The following KMT2A variants were observed in gnomAD, a reference collection of about 807,000 sequenced individuals.
KMT2A encodes lysine methyltransferase 2A.
Under a neutral mutation model 345.3 loss-of-function variants are expected in KMT2A, and 16 were observed. That is an observed-to-expected ratio of 0.05 (90% CI 0.03 to 0.07). The LOEUF (loss-of-function observed/expected upper bound fraction) is 0.07. KMT2A is among the 10% of genes least tolerant of loss of function. The probability of loss-of-function intolerance (pLI) is 1.00; values close to 1 mark genes in which losing one functional copy is unlikely to be tolerated. For synonymous variants in KMT2A, 1,599 were observed against 1,778.6 expected, an observed-to-expected ratio of 0.90 and a Z score of 2.54; for missense variants, 3,272 against 4,841.6, an observed-to-expected ratio of 0.68 and a Z score of 9.62.
chr11:118,463,854 A>G (rs1210642728), intron 1 of KMT2A, among the ~76,000 whole-genome samples: 1 of 152,248 alleles, frequency 6.6e-6, no homozygotes, highest in Non-Finnish European at 1.5e-5. Context: ...TTGTCATAAC[A>G]TATCTGAACA....
chr11:118,485,461 T>G (rs1950211548), intron 10 of KMT2A, among the ~76,000 whole-genome samples: 2 of 152,144 alleles, frequency 1.3e-5, no homozygotes, highest in African/African-American at 2.4e-5. Context: ...GGAGGGTGTC[T>G]GTTTTTTAGC....
In KMT2A at chr11:118,504,879, A is replaced by G. The variant is rs191446381; in HGVS notation, c.8987A>G (p.His2996Arg). 6.2e-6 allele frequency: 10 copies of G among 1,614,172 alleles called. No individual in the cohort carries two copies. The highest frequency in any genetic ancestry group is 8.5e-6 in the Non-Finnish European group (10 of 1,180,028). ...CCTGAAGGCCACATGACTCCTGATC[A>G]TTTTATCCAAGGACACATGGATGCA... ...PTPEGHMTPD[H>R]FIQGHMDADH... Residue 2996 changes from histidine (H) to arginine (R), a missense_variant, in exon 27 of 36, where the codon CAT becomes CGT. By Grantham distance (29) the His-to-Arg change is conservative. Coordinates refer to ENST00000534358, the MANE Select transcript of KMT2A (RefSeq NM_001197104.2). This position sits in a 1 kb window ranked among gnomAD's most constrained non-coding sequence, Gnocchi z 6.4.
In KMT2A at chr11:118,506,520, C is replaced by T; in HGVS notation, c.10628C>T (p.Thr3543Ile). Reference sequence around the variant, plus strand: ...GGTCCCACTAAACCCAAACCAAAAACCAAACGGTTTCAGCTGCCTCTAGAC... The same window carrying T: ...GGTCCCACTAAACCCAAACCAAAAATCAAACGGTTTCAGCTGCCTCTAGAC... ...VPGPTKPKPK[T>I]KRFQLPLDKG... is the part of the protein sequence containing the mutation. Residue 3543 changes from threonine to isoleucine, a missense_variant, in exon 27 of 36, where the codon ACC becomes ATC. This residue lies in a region of KMT2A where 748 missense variants were observed against 922.2 expected (regional missense o/e 0.81). Coordinates refer to ENST00000534358, the MANE Select transcript of KMT2A (RefSeq NM_001197104.2). 6.2e-7 allele frequency: 1 copy of T among 1,614,204 alleles called. No homozygotes were observed. The highest frequency in any genetic ancestry group is 8.5e-7 in the Non-Finnish European group (1 of 1,180,050).
Position 118,491,417 on chromosome 11 carries a change from T to C in KMT2A, c.4819+99T>C. 1 of 1,173,644 alleles carries C rather than the reference T, an allele frequency of 8.5e-7. No homozygotes were observed. The highest frequency in any genetic ancestry group is 2.2e-4 in the Middle Eastern group (1 of 4,512). 72.7% of individuals were successfully genotyped at this position (1,173,644 alleles called of 1,614,324 possible). A position where few individuals can be genotyped will look rare whatever the true frequency, so the allele number is the denominator to read the frequency against. On this transcript the variant is annotated intron_variant, in intron 14 of 35. Transcript: ENST00000534358. The surrounding 1 kb of genome is among the most constrained non-coding windows in gnomAD (Gnocchi z 4.2). ...CCTAAAATTATGGTTGTGTTGTTAT[T>C]TGAAATCTCTAAATTTATTTTTTAG...
rs1285912724 is a variant in KMT2A, at chr11:118,491,409, G to A, written c.4819+91G>A. 6.4e-6 allele frequency: 8 copies of A among 1,243,466 alleles called. No homozygotes were observed. Among genetic ancestry groups the A allele is most frequent in the South Asian group, 1.5e-5 (1 of 64,678 alleles). The allele number at this position is 1,243,466 out of a possible 1,614,324, so 77.0% of individuals were successfully genotyped here. A position where few individuals can be genotyped will look rare whatever the true frequency, so the allele number is the denominator to read the frequency against. ...ACTTTAAACCTAAAATTATGGTTGTGTTGTTATTTGAAATCTCTAAATTTA... is the reference window on the plus strand; with the variant it reads ...ACTTTAAACCTAAAATTATGGTTGTATTGTTATTTGAAATCTCTAAATTTA... On this transcript the variant is annotated intron_variant, in intron 14 of 35. Transcript: ENST00000534358. The surrounding 1 kb of genome is among the most constrained non-coding windows in gnomAD (Gnocchi z 4.2).
chr11:118,476,152 G>A lies in KMT2A; in HGVS notation c.3157-653G>A, dbSNP rs572442254. Among the ~76,000 whole-genome samples the A allele has an allele frequency of 2.6e-5, 4 of 152,110 alleles. No homozygotes were observed. The highest frequency in any genetic ancestry group is 1.9e-4 in the East Asian group (1 of 5,182). On this transcript the variant is annotated intron_variant, in intron 3 of 35. Transcript: ENST00000534358. The surrounding 1 kb of genome is among the most constrained non-coding windows in gnomAD (Gnocchi z 4.1). ...ACTCCCGACCTCAGGTGATCTACCC[G>A]CCTCGGCCTCCCAAAGTGCTGGGAG... is the stretch of plus-strand genomic sequence containing the variant.
rs371281004 is a variant in KMT2A, at chr11:118,506,128, G to T, written c.10236G>T (p.Leu3412=). ...LPPSSGMFPQ[L]GTSQTPSTAA... ...CAAGTTCAGGAATGTTTCCACAACT[G>T]GGGACATCACAGACCCCCTCTACTG... is the stretch of plus-strand genomic sequence containing the variant. The change falls in exon 27 of 36, where the codon CTG becomes CTT. Residue 3412 remains leucine (L), a synonymous_variant. Coordinates refer to ENST00000534358, the MANE Select transcript of KMT2A (RefSeq NM_001197104.2). 2 of 1,614,136 alleles carry T rather than the reference G, an allele frequency of 1.2e-6. No homozygotes were observed. The highest frequency in any genetic ancestry group is 1.7e-6 in the Non-Finnish European group (2 of 1,180,030).
chr11:118,471,469 ATGT>A lies in KMT2A; in HGVS notation c.503-191_503-189del, dbSNP rs1337206168. 3.3e-5 allele frequency among the ~76,000 whole-genome samples: 5 copies of A among 152,330 alleles called. No homozygotes were observed. The South Asian group carries it at 8.3e-4, about 25-fold the overall frequency. On this transcript the variant is annotated intron_variant, in intron 2 of 35. Transcript: ENST00000534358. Reference sequence around the variant, plus strand: ...GTAATTAAATGTTCTTTCAGGTGGAATGTTATTTGCTGACTTCTTTGAGGCAAA... The same window carrying A: ...GTAATTAAATGTTCTTTCAGGTGGAATATTTGCTGACTTCTTTGAGGCAAA...
chr11:118,487,122 T>C (rs923773051), intron 10 of KMT2A, among the ~76,000 whole-genome samples: 3 of 152,222 alleles, frequency 2.0e-5, no homozygotes, highest in Non-Finnish European at 4.4e-5. Flanking sequence ...TCAGATATCA[T>C]TGAGACTGAG....
intron 31 of KMT2A, among the ~76,000 whole-genome samples, chr11:118,519,077 CAAAAAAAAAAAAAAA>C (rs11443977): frequency 1.5e-5 from 1 of 66,448 alleles, no homozygotes; most frequent in African/African-American, 6.3e-5. Flanking sequence ...GACTCCATCT[CAAAAAAAAAAAAAAA>C]AAAAAAAGAA....
chr11:118,463,345 T>C (rs556867251), intron 1 of KMT2A, among the ~76,000 whole-genome samples: 1 of 152,320 alleles, frequency 6.6e-6, no homozygotes, highest in African/African-American at 2.4e-5. Context: ...GAGCTGTCAA[T>C]CATTGTAGCA....
chr11:118,464,768 G>A lies in KMT2A; in HGVS notation c.433-4007G>A, dbSNP rs543313228. ...ACAATCAAAGTAATGGCTACCAGGAGGTAGAAGTGGTCCAGTCAAAGCAAA... is the reference window on the plus strand; with the variant it reads ...ACAATCAAAGTAATGGCTACCAGGAAGTAGAAGTGGTCCAGTCAAAGCAAA... On this transcript the variant is annotated intron_variant, in intron 1 of 35. Transcript: ENST00000534358. Among the ~76,000 whole-genome samples, 19 of 152,336 alleles carry A rather than the reference G, an allele frequency of 1.2e-4. No homozygotes were observed. In the South Asian group the frequency reaches 3.7e-3, roughly 30 times the overall value.
At chr11:118,492,090 C>G (rs573544692) in intron 15 of KMT2A, among the ~76,000 whole-genome samples, 162 bp downstream of exon 15, 1 of 152,146 alleles carries the variant, frequency 6.6e-6, no homozygotes, top group Non-Finnish European at 1.5e-5. Context: ...CCTTCTTTAG[C>G]GTAAGAAATA....
Position 118,484,393 on chromosome 11 carries a change from G to A in KMT2A, c.4218+79G>A, listed in dbSNP as rs1950194563. On this transcript the variant is annotated intron_variant, in intron 9 of 35. Transcript: ENST00000534358. The surrounding 1 kb of genome is among the most constrained non-coding windows in gnomAD (Gnocchi z 4.1). ...AGAAAATGCTACTACCAAAGGTGTT[G>A]AAAGAGGAAATCAGCACCAACTGGG... The A allele has an allele frequency of 6.8e-7, 1 of 1,478,840 alleles. No homozygotes were observed. The highest frequency in any genetic ancestry group is 9.3e-7 in the Non-Finnish European group (1 of 1,077,644). 91.6% of individuals were successfully genotyped at this position (1,478,840 alleles called of 1,614,324 possible).
intron 25 of KMT2A, 68 bp downstream of exon 25, chr11:118,501,215 T>C: frequency 6.8e-7 from 1 of 1,469,356 alleles, no homozygotes; most frequent in South Asian, 1.2e-5. Flanking sequence ...CGCAGCACTT[T>C]GGGAGGCTGA....
intron 1 of KMT2A, among the ~76,000 whole-genome samples, chr11:118,461,543 C>T (rs916470780): frequency 2.0e-5 from 3 of 152,074 alleles, no homozygotes; most frequent in Admixed American, 1.3e-4. Context: ...TCAGTGTCAG[C>T]AAGGTTTAGG....
At chr11:118,459,349 G>A (rs553335144) in intron 1 of KMT2A, among the ~76,000 whole-genome samples, 7 of 152,284 alleles carry the variant, frequency 4.6e-5, no homozygotes, top group African/African-American at 9.6e-5. Context: ...TTACAGGTGT[G>A]AGCCACCATG....
chr11:118,483,259 A>G (rs1361868377), intron 8 of KMT2A, among the ~76,000 whole-genome samples: 11 of 142,584 alleles, frequency 7.7e-5, no homozygotes, highest in Non-Finnish European at 1.2e-4. Context: ...GTAGCCGGGC[A>G]CGGTGGCTCA....
At chr11:118,471,422 A>G (rs1265465448) in intron 2 of KMT2A, among the ~76,000 whole-genome samples, 5 of 152,218 alleles carry the variant, frequency 3.3e-5, no homozygotes, top group Non-Finnish European at 7.4e-5. Context: ...AAAACTTTTT[A>G]TTATCTTTTT....
Sources: gnomAD v4.1 joint callset for allele counts (sites outside exome capture counted in the v4.1 genomes callset) on GRCh38, gnomAD v4.1.1 for gene constraint, gnomAD v4.1.1 regional missense constraint, Gnocchi (gnomAD v3.1) non-coding constraint, MANE v1.5 for transcripts, NCBI Gene and HGNC (gene_info 2026-07-23, HGNC 2026-07-21) for gene names.